The following NOTCH2 variants were observed in gnomAD, a reference collection of about 807,000 sequenced individuals.
The protein encoded by NOTCH2 is notch receptor 2, also known as neurogenic locus notch homolog protein 2.
NOTCH2 carries 29 observed loss-of-function variants against 235.8 expected under a neutral mutation model. The ratio of observed to expected loss-of-function variants is 0.12; its 90% confidence interval spans 0.09 to 0.17. NOTCH2 has a LOEUF of 0.17. Ranked by LOEUF, NOTCH2 falls within the 10% of genes least tolerant of loss-of-function variation. The pLI is 1.00. For synonymous variants in NOTCH2, 1,086 were observed against 1,141.5 expected (o/e 0.95, Z 0.98); for missense variants, 2,285 against 3,150.2 (o/e 0.73, Z 6.57).
chr1:119,917,984 C>A (rs1432062860), intron 32 of NOTCH2, among the ~76,000 whole-genome samples: 1 of 152,204 alleles, frequency 6.6e-6, no homozygotes, highest in Non-Finnish European at 1.5e-5. Flanking sequence ...GAAAGGATCA[C>A]TTGTATGAGG....
chr1:119,999,738 C>T (rs587641422), intron 3 of NOTCH2, among the ~76,000 whole-genome samples: 15 of 151,998 alleles, frequency 9.9e-5, no homozygotes, highest in Non-Finnish European at 1.8e-4. Context: ...AAAAATTAGC[C>T]GGGCTTTATG....
At chr1:119,928,930 A>C (rs1488785826) in intron 23 of NOTCH2, 46 bp downstream of exon 23, 1 of 1,546,604 alleles carries the variant, frequency 6.5e-7, no homozygotes, top group Non-Finnish European at 8.9e-7. Context: ...GTTCACTAAA[A>C]CCATCCTCCA....
chr1:119,945,173 C>T (rs1650209272), intron 17 of NOTCH2, among the ~76,000 whole-genome samples: 1 of 151,966 alleles, frequency 6.6e-6, no homozygotes, highest in South Asian at 2.1e-4. Flanking sequence ...AGCTGCACAC[C>T]AGTAAACCCT....
chr1:119,934,097 G>A (rs1312316426), intron 22 of NOTCH2, among the ~76,000 whole-genome samples: 1 of 152,230 alleles, frequency 6.6e-6, no homozygotes, highest in Non-Finnish European at 1.5e-5. Flanking sequence ...GAGATTTGAG[G>A]TTTAATTAGC....
intron 7 of NOTCH2, among the ~76,000 whole-genome samples, chr1:119,967,847 A>G (rs1651203827): frequency 6.6e-6 from 1 of 152,220 alleles, no homozygotes; most frequent in African/African-American, 2.4e-5. Context: ...TCATTGAGGT[A>G]GGGCTTTATA....
chr1:119,983,449 G>A (rs143080781), intron 5 of NOTCH2, among the ~76,000 whole-genome samples: 11 of 152,132 alleles, frequency 7.2e-5, no homozygotes, highest in African/African-American at 2.4e-4. Context: ...CACTGTGCCC[G>A]GCCATACTAA....
intron 2 of NOTCH2, among the ~76,000 whole-genome samples, chr1:120,025,367 G>T (rs1570758066): frequency 6.6e-6 from 1 of 152,044 alleles, no homozygotes; most frequent in African/African-American, 2.4e-5. Context: ...GGGCTTGGTA[G>T]GCCCCTCACA....
chr1:120,012,585 T>A (rs1653245791), intron 2 of NOTCH2, among the ~76,000 whole-genome samples: 1 of 151,704 alleles, frequency 6.6e-6, no homozygotes, highest in Non-Finnish European at 1.5e-5. Context: ...TACATTATAC[T>A]CATACAATCA....
chr1:119,935,226 A>G, intron 22 of NOTCH2: 1 of 1,396,068 alleles, frequency 7.2e-7, no homozygotes, highest in Non-Finnish European at 9.3e-7. Context: ...TCCCTTCCAT[A>G]TTCTGTGTTT....
intron 13 of NOTCH2, among the ~76,000 whole-genome samples, chr1:119,954,049 T>C (rs1485767035): frequency 6.6e-6 from 1 of 151,908 alleles, no homozygotes; most frequent in African/African-American, 2.4e-5. Flanking sequence ...TTAAGATCAT[T>C]AGTTTTTGGT....
chr1:120,041,085 T>TAC (rs2101369186), intron 1 of NOTCH2, among the ~76,000 whole-genome samples: 2 of 107,642 alleles, frequency 1.9e-5, no homozygotes, highest in Admixed American at 1.8e-4. Flanking sequence ...TATATATATA[T>TAC]ATATATTCCT....
intron 3 of NOTCH2, among the ~76,000 whole-genome samples, chr1:119,999,138 C>T (rs1304095045): frequency 1.4e-5 from 2 of 145,154 alleles, no homozygotes; most frequent in East Asian, 2.0e-4. Context: ...TGAATAGTGC[C>T]GCAATAAACA....
chr1:119,958,295 G>T (rs1369710238), intron 12 of NOTCH2, among the ~76,000 whole-genome samples: 1 of 152,138 alleles, frequency 6.6e-6, no homozygotes, highest in African/African-American at 2.4e-5. Context: ...CACTGAACAG[G>T]GATCACTGTG....
chr1:119,955,236 T>C lies in NOTCH2; in HGVS notation c.2027-4A>G, dbSNP rs1553198270. Reference sequence around the variant, plus strand: ...ATGTCAATGTTACATCTCTGCCCTGTGGAGAAGGGGGACAGTGTTAGTCAC... The same window carrying C: ...ATGTCAATGTTACATCTCTGCCCTGCGGAGAAGGGGGACAGTGTTAGTCAC... On this transcript the variant is annotated splice_region_variant and splice_polypyrimidine_tract_variant and intron_variant, in intron 12 of 33. Coordinates refer to ENST00000256646, the MANE Select transcript of NOTCH2 (RefSeq NM_024408.4). 1.2e-6 allele frequency: 2 copies of C among 1,613,754 alleles called. No individual in the cohort carries two copies. The highest frequency in any genetic ancestry group is 1.7e-6 in the Non-Finnish European group (2 of 1,179,724).
chr1:120,004,117 T>C (rs1252794467), intron 3 of NOTCH2, among the ~76,000 whole-genome samples: 2 of 151,740 alleles, frequency 1.3e-5, no homozygotes, highest in African/African-American at 2.4e-5. Context: ...GTGAATGAGA[T>C]GGGGAGAGAA....
intron 22 of NOTCH2, among the ~76,000 whole-genome samples, chr1:119,930,736 GC>G (rs1311603265): frequency 6.6e-6 from 1 of 151,386 alleles, no homozygotes; most frequent in Non-Finnish European, 1.5e-5. Flanking sequence ...CCGAGGTTAT[GC>G]CACTGCACTC....
intron 5 of NOTCH2, among the ~76,000 whole-genome samples, chr1:119,975,461 C>T (rs1651536591): frequency 6.6e-6 from 1 of 152,056 alleles, no homozygotes; most frequent in Non-Finnish European, 1.5e-5. Context: ...TCCTGGCCAA[C>T]ATGGTGAAAC....
At position 119,950,830 on chromosome 1, in the gene NOTCH2, G is replaced by C. The variant is rs781857633; in HGVS notation, c.2373C>G (p.Asn791Lys). ...CACATTCATCAATATTCACCTGGCA[G>C]TTATAGCCTGTAGACAAAAGGAAAA... is the stretch of plus-strand genomic sequence containing the variant. ...CTCKKGFKGYNCQVNIDECAS... is the reference protein window; with the variant it reads ...CTCKKGFKGYKCQVNIDECAS... Residue 791 changes from asparagine (N) to lysine (K), a missense_variant, in exon 15 of 34, where the codon AAC (asparagine) becomes AAG (lysine). By Grantham distance (94) the Asn-to-Lys change is moderately conservative. Transcript: ENST00000256646. 1.2e-6 allele frequency: 2 copies of C among 1,608,370 alleles called. No homozygotes were observed. Among genetic ancestry groups the C allele is most frequent in the Non-Finnish European group, 1.7e-6 (2 of 1,174,764 alleles).
rs1412201908 is a variant in NOTCH2, at chr1:119,941,628, T to C, written c.2879A>G (p.Asn960Ser). 6.2e-7 allele frequency: 1 copy of C among 1,614,044 alleles called. No individual in the cohort carries two copies. Among genetic ancestry groups the C allele is most frequent in the Non-Finnish European group, 8.5e-7 (1 of 1,180,018 alleles). The change falls in exon 18 of 34, where the codon AAT (asparagine) becomes AGT (serine). Residue 960 changes from asparagine to serine, a missense_variant. By Grantham distance (46) the Asn-to-Ser change is conservative. Around this residue, in one of 6 missense-constraint regions of NOTCH2, gnomAD observed 1,173 missense variants for 1,515.3 expected, o/e 0.77. Transcript: ENST00000256646. Reference sequence around the variant, plus strand: ...GACGTAGTCAGAGCAGGTCCCTCCATTCTTACAGGGTTCACTCAGACACTC... The same window carrying C: ...GACGTAGTCAGAGCAGGTCCCTCCACTCTTACAGGGTTCACTCAGACACTC... The part of the protein sequence containing the change: ...MNECLSEPCK[N>S]GGTCSDYVNS...
Sources: allele counts gnomAD v4.1 joint callset (sites outside exome capture counted in the v4.1 genomes callset), GRCh38; gene constraint gnomAD v4.1.1; regional missense constraint gnomAD v4.1.1; transcripts MANE v1.5; gene names NCBI Gene and HGNC (gene_info 2026-07-23, HGNC 2026-07-21).